The following RAB10 variants were observed in gnomAD, a reference collection of about 807,000 sequenced individuals.
RAB10 encodes the protein ras-related protein Rab-10.
A neutral mutation model predicts 25.7 loss-of-function variants in RAB10; 5 were observed. The ratio of observed to expected loss-of-function variants is 0.19; its 90% CI spans 0.10 to 0.41. RAB10 has a LOEUF of 0.41. Ranked by LOEUF, RAB10 falls within the 10% of genes least tolerant of loss-of-function variation. The probability of loss-of-function intolerance (pLI) is 1.00; values close to 1 mark genes in which losing one functional copy is unlikely to be tolerated. For missense variants in RAB10, 103 were observed against 245.8 expected, an observed-to-expected ratio of 0.42 and a Z score of 3.89; for synonymous variants, 89 against 86.4, an observed-to-expected ratio of 1.03 and a Z score of -0.16.
intron 1 of RAB10, among the ~76,000 whole-genome samples, chr2:26,050,968 G>C (rs898032003): frequency 2.6e-5 from 4 of 151,496 alleles, no homozygotes; most frequent in African/African-American, 9.7e-5. Context: ...TCCCAGGCTA[G>C]AGTGCAGTGG....
intron 1 of RAB10, among the ~76,000 whole-genome samples, chr2:26,074,954 A>G (rs1182097853): frequency 1.3e-5 from 2 of 152,364 alleles, no homozygotes; most frequent in East Asian, 3.9e-4. Flanking sequence ...ATGTTAATAA[A>G]AACAGTAATA....
intron 3 of RAB10, among the ~76,000 whole-genome samples, chr2:26,114,691 G>A (rs1456331885): frequency 7.0e-6 from 1 of 142,294 alleles, no homozygotes; most frequent in Non-Finnish European, 1.5e-5. Context: ...AGGAGTTTGA[G>A]ACCAGCCTGG....
chr2:26,077,587 CTTT>C (rs1666765413), intron 1 of RAB10, among the ~76,000 whole-genome samples: 1 of 152,098 alleles, frequency 6.6e-6, no homozygotes, highest in African/African-American at 2.4e-5. Context: ...ACTTGGATGA[CTTT>C]TTTATTAGAA....
chr2:26,112,753 ACT>A (rs1356000310), intron 3 of RAB10, among the ~76,000 whole-genome samples: 1 of 151,944 alleles, frequency 6.6e-6, no homozygotes, highest in African/African-American at 2.4e-5. Context: ...ACAGAGTGAG[ACT>A]CTGTCTCTGA....
At chr2:26,122,790 C>T (rs1667833028) in intron 3 of RAB10, among the ~76,000 whole-genome samples, 1 of 152,078 alleles carries the variant, frequency 6.6e-6, no homozygotes. Flanking sequence ...CTAAAAATGG[C>T]AGGCTAACAG....
intron 2 of RAB10, among the ~76,000 whole-genome samples, chr2:26,108,551 C>T (rs1039107964): frequency 6.6e-6 from 1 of 151,200 alleles, no homozygotes; most frequent in Non-Finnish European, 1.5e-5. Context: ...GGTAGTTACA[C>T]AAATCTGTAC....
intron 5 of RAB10, 87 bp downstream of exon 5, chr2:26,128,038 G>T: frequency 8.4e-7 from 1 of 1,188,238 alleles, no homozygotes; most frequent in Non-Finnish European, 1.2e-6. Flanking sequence ...TTTACATACA[G>T]AATTTGAGTT....
Position 26,051,519 on chromosome 2 carries a change from G to A in RAB10, c.127+16784G>A, listed in dbSNP as rs543830071. ...TCCCCACACTTTGGGAGGCCAAGGT[G>A]GGTGGATCACGAACGAGGTCAAGAG... On this transcript the variant is annotated intron_variant, in intron 1 of 5. Transcript: ENST00000264710. 8.7e-5 allele frequency among the ~76,000 whole-genome samples: 13 copies of A among 149,848 alleles called. No individual in the cohort carries two copies. In the South Asian group the frequency reaches 2.8e-3, roughly 32 times the overall value.
chr2:26,043,134 G>T (rs1665927536), intron 1 of RAB10, among the ~76,000 whole-genome samples: 3 of 151,824 alleles, frequency 2.0e-5, no homozygotes, highest in Admixed American at 2.0e-4. Flanking sequence ...TTAAATCAAA[G>T]ATTCAAACAG....
At position 26,116,223 on chromosome 2, in the gene RAB10, G is replaced by A. The variant is rs74838228; in HGVS notation, c.327+6317G>A. Among the ~76,000 whole-genome samples the A allele has an allele frequency of 5.0e-3, 766 of 152,080 alleles. 6 individuals carry two copies. Among genetic ancestry groups the A allele is most frequent in the African/African-American group, 0.017 (717 of 41,458 alleles). On this transcript the variant is annotated intron_variant, in intron 3 of 5. Coordinates refer to ENST00000264710, the MANE Select transcript of RAB10 (RefSeq NM_016131.5). ...TTTGAGATGGGTGTCTCACCATGTTGCCCGGGCTGGTGTTAAAACCCTGAG... is the reference window on the plus strand; with the variant it reads ...TTTGAGATGGGTGTCTCACCATGTTACCCGGGCTGGTGTTAAAACCCTGAG...
chr2:26,034,522 G>A lies in RAB10; in HGVS notation c.-87G>A, dbSNP rs1272623480. 1 of 1,568,514 alleles carries A rather than the reference G, an allele frequency of 6.4e-7. No homozygotes were observed. Among genetic ancestry groups the A allele is most frequent in the Non-Finnish European group, 8.7e-7 (1 of 1,153,070 alleles). On this transcript the variant is annotated 5_prime_UTR_variant, in exon 1 of 6. Transcript: ENST00000264710. ...CCACGCTTCCCCGGTCCTCCGGCCT[G>A]AGAACGCCCGAGTGAGGAGTTGGCC...
intron 1 of RAB10, among the ~76,000 whole-genome samples, chr2:26,040,772 A>G (rs1362488542): frequency 6.6e-6 from 1 of 152,190 alleles, no homozygotes; most frequent in East Asian, 1.9e-4. Context: ...AGGTGCAGTC[A>G]TTTAAGTTTC....
At chr2:26,090,490 C>A (rs778904303) in intron 1 of RAB10, among the ~76,000 whole-genome samples, 10 of 107,938 alleles carry the variant, frequency 9.3e-5, no homozygotes, top group Non-Finnish European at 1.5e-4. Context: ...TCTTTTAGTT[C>A]TGTTTTCTTG....
chr2:26,078,274 A>G (rs913611506), intron 1 of RAB10, among the ~76,000 whole-genome samples: 2 of 152,228 alleles, frequency 1.3e-5, no homozygotes, highest in Admixed American at 6.5e-5. Flanking sequence ...TATAGAGTCA[A>G]TGCAATTCCT....
At position 26,135,241 on chromosome 2, in the gene RAB10, G is replaced by C. The variant is rs6705; in HGVS notation, c.*220G>C. ...ATGTATAGAAAAATCATGTCTGTGA[G>C]TTCATTTTTAAATGTACTTGCTCAG... On this transcript the variant is annotated 3_prime_UTR_variant, in exon 6 of 6. Coordinates refer to ENST00000264710, the MANE Select transcript of RAB10 (RefSeq NM_016131.5). 344,803 of 466,816 alleles carry C rather than the reference G, an allele frequency of 0.74. 127,930 individuals are homozygous for C. Among genetic ancestry groups the C allele is most frequent in the East Asian group, 0.89 (25,842 of 28,938 alleles). The allele number at this position is 466,816 out of a possible 1,614,324, so 28.9% of individuals were successfully genotyped here.
chr2:26,066,743 A>AT lies in RAB10; in HGVS notation c.128-31916dup, dbSNP rs1178522444. Among the ~76,000 whole-genome samples, 3 of 150,058 alleles carry AT rather than the reference A, an allele frequency of 2.0e-5. No individual in the cohort carries two copies. In the East Asian group the frequency reaches 5.9e-4, roughly 29 times the overall value. ...TATGGGAACTACAGTTCAAGATGAC[A>AT]TTTGGGTGGGGACACAGCAAAACCA... On this transcript the variant is annotated intron_variant, in intron 1 of 5. Transcript: ENST00000264710.
At chr2:26,115,819 A>G (rs1262218345) in intron 3 of RAB10, among the ~76,000 whole-genome samples, 1 of 151,970 alleles carries the variant, frequency 6.6e-6, no homozygotes, top group Non-Finnish European at 1.5e-5. Flanking sequence ...TGACCCTTGA[A>G]CAATGTGGGT....
At chr2:26,041,173 G>A (rs1208657884) in intron 1 of RAB10, among the ~76,000 whole-genome samples, 1 of 152,094 alleles carries the variant, frequency 6.6e-6, no homozygotes, top group Non-Finnish European at 1.5e-5. Flanking sequence ...TGAATTGGGG[G>A]TAGTTTATGT....
chr2:26,043,012 A>C (rs931866299), intron 1 of RAB10, among the ~76,000 whole-genome samples: 2 of 152,200 alleles, frequency 1.3e-5, no homozygotes, highest in South Asian at 4.1e-4. Flanking sequence ...TGCTGGTGGG[A>C]ATGTGAAATG....
Sources: allele counts gnomAD v4.1 joint callset (sites outside exome capture counted in the v4.1 genomes callset), GRCh38; gene constraint gnomAD v4.1.1; transcripts MANE v1.5; gene names NCBI Gene and HGNC (gene_info 2026-07-23, HGNC 2026-07-21).